Variants in ADAMTS13 observed in about 807,000 individuals in gnomAD.
The protein encoded by ADAMTS13 is ADAM metallopeptidase with thrombospondin type 1 motif 13, also known as A disintegrin and metalloproteinase with thrombospondin motifs 13.
Under a neutral mutation model 155.1 loss-of-function variants are expected in ADAMTS13, and 110 were observed. That is an observed-to-expected ratio of 0.71 (90% CI 0.61 to 0.83). The LOEUF (loss-of-function observed/expected upper bound fraction) is 0.83. ADAMTS13 is among the 40% of genes least tolerant of loss of function. The pLI, the probability that ADAMTS13 is intolerant of heterozygous loss-of-function variation, is 0.00. For synonymous variants in ADAMTS13, 758 were observed against 756.4 expected (o/e 1.00, Z -0.03); for missense variants, 1,707 against 1,891.7 (o/e 0.90, Z 1.81).
chr9:133,455,978 C>G (rs1453838905), intron 25 of ADAMTS13, 91 bp from the exon 26 acceptor site: 3 of 1,569,732 alleles, frequency 1.9e-6, no homozygotes, highest in Non-Finnish European at 1.7e-6. Flanking sequence ...ACCCCTACCT[C>G]CTGGTCTCCT....
chr9:133,452,725 G>T (rs1842509137), intron 23 of ADAMTS13, among the ~76,000 whole-genome samples: 1 of 151,922 alleles, frequency 6.6e-6, no homozygotes, highest in Non-Finnish European at 1.5e-5. Context: ...GCCCAGTCTG[G>T]ACTTGAATTC....
At position 133,414,837 on chromosome 9, in the gene ADAMTS13, A is replaced by G. The variant is rs782166709; in HGVS notation, n.287+193A>G. On this transcript the variant is annotated intron_variant and non_coding_transcript_variant, in intron 1 of 17. Coordinates refer to the ADAMTS13 transcript ENST00000485925. ...GCCCTCCTGTCCATCTTGGAACCTG[A>G]AGGAACAGAGCCCCTGCTGGCCTCC... 17 of 1,614,134 alleles carry G rather than the reference A, an allele frequency of 1.1e-5. No individual in the cohort carries two copies. The South Asian group carries it at 1.9e-4, about 18-fold the overall frequency.
rs781966908 is a variant in ADAMTS13 at position 133,424,285 on chromosome 9, G to C, written c.173-36G>C. The C allele has an allele frequency of 6.2e-7, 1 of 1,608,358 alleles. No homozygotes were observed. Among genetic ancestry groups the C allele is most frequent in the Non-Finnish European group, 8.5e-7 (1 of 1,179,808 alleles). ...TTAGCTTTCCACTGCTTGCTCTCTA[G>C]AACCATCGCCCTCTGCTCTCCCTCT... On this transcript the variant is annotated intron_variant, in intron 2 of 28. Coordinates refer to ENST00000355699, the MANE Select transcript of ADAMTS13 (RefSeq NM_139027.6). The surrounding 1 kb of genome is among the most constrained non-coding windows in gnomAD (Gnocchi z 4.3).
intron 22 of ADAMTS13, 151 bp downstream of exon 22, chr9:133,448,879 C>T: frequency 7.6e-7 from 1 of 1,313,666 alleles, no homozygotes; most frequent in Non-Finnish European, 1.0e-6. Flanking sequence ...CATCCCCCTG[C>T]CTCACTCCAA....
chr9:133,428,861 C>T (rs1840483018), intron 7 of ADAMTS13, 90 bp downstream of exon 7: 2 of 1,166,032 alleles, frequency 1.7e-6, no homozygotes, highest in African/African-American at 1.6e-5. Context: ...GTCCCCACTC[C>T]GCATTCAGCC....
chr9:133,432,383 A>T (rs1840836739), intron 8 of ADAMTS13, among the ~76,000 whole-genome samples: 1 of 152,254 alleles, frequency 6.6e-6, no homozygotes, highest in Admixed American at 6.5e-5. Flanking sequence ...TGGGCCCCCA[A>T]AAGTGTGACA....
At chr9:133,417,779 A>G (rs1449352816), upstream of ADAMTS13, 6 of 1,611,090 alleles carry the variant, frequency 3.7e-6, no homozygotes, top group Non-Finnish European at 5.1e-6. Context: ...GCGTCTTGAC[A>G]GGACCCGGCT....
At chr9:133,427,005 G>A (rs1554785468) in intron 6 of ADAMTS13, among the ~76,000 whole-genome samples, 1 of 152,126 alleles carries the variant, frequency 6.6e-6, no homozygotes. Flanking sequence ...GTTTCTCCAT[G>A]TTGGTCAGGC....
chr9:133,422,502 C>T lies in ADAMTS13; in HGVS notation c.59C>T (p.Ala20Val). The T allele has an allele frequency of 6.2e-7, 1 of 1,614,170 alleles. No individual in the cohort carries two copies. ...CPPLCVAGIL[A>V]CGFLLGCWGP... ...CCCCTCTGTGTGGCCGGAATCCTTG[C>T]CTGTGGCTTTCTCCTGGGCTGCTGG... The change falls in exon 1 of 29, where the codon GCC becomes GTC. Residue 20 changes from alanine (A) to valine (V), a missense_variant. Physicochemically the swap from Ala to Val is moderately conservative, Grantham distance 64 (BLOSUM62 0). Coordinates refer to ENST00000355699, the MANE Select transcript of ADAMTS13 (RefSeq NM_139027.6).
At chr9:133,427,531 C>T (rs1425022878) in intron 6 of ADAMTS13, among the ~76,000 whole-genome samples, 1 of 152,088 alleles carries the variant, frequency 6.6e-6, no homozygotes, top group Non-Finnish European at 1.5e-5. Flanking sequence ...AGGGCTCCTT[C>T]TCCCTCAGAG....
Position 133,442,523 on chromosome 9 carries a change from G to A in ADAMTS13, c.2093G>A (p.Ser698Asn), listed in dbSNP as rs1408763106. 2 of 1,613,530 alleles carry A rather than the reference G, an allele frequency of 1.2e-6. No individual in the cohort carries two copies. The highest frequency in any genetic ancestry group is 4.5e-5 in the East Asian group (2 of 44,898). The change falls in exon 17 of 29, where the codon AGC becomes AAC. Residue 698 changes from serine to asparagine, a missense_variant. Coordinates refer to ENST00000355699, the MANE Select transcript of ADAMTS13 (RefSeq NM_139027.6). Reference protein sequence around the residue: ...WAAVRGPCSVSCGAGLRWVNY... With the variant: ...WAAVRGPCSVNCGAGLRWVNY... ...GCTGTGCGTGGGCCCTGCTCGGTGA[G>A]CTGTGGGGCAGGTGAGACCTGGGGA...
rs1286801843 is a variant in ADAMTS13, at chr9:133,454,361, C to T, written c.3045-54C>T. On this transcript the variant is annotated intron_variant, in intron 23 of 28. Transcript: ENST00000355699. The stretch of plus-strand genomic sequence containing the variant: ...TGGGTGGAGAGGGGCCTGCGTGGGG[C>T]AGTACTGTCTCTGGGGAGACCTAGC... The T allele has an allele frequency of 2.5e-6, 4 of 1,596,248 alleles. No homozygotes were observed. The African/African-American group carries it at 5.4e-5, about 21-fold the overall frequency.
upstream of ADAMTS13, among the ~76,000 whole-genome samples, chr9:133,418,660 G>A (rs1839820004): frequency 6.6e-6 from 1 of 152,174 alleles, no homozygotes; most frequent in East Asian, 1.9e-4. Flanking sequence ...GAGCAAGCAG[G>A]GGGTACGTGA....
At chr9:133,428,066 C>T (rs377091585) in intron 6 of ADAMTS13, among the ~76,000 whole-genome samples, 12 of 152,266 alleles carry the variant, frequency 7.9e-5, no homozygotes, top group East Asian at 7.7e-4. Flanking sequence ...CCTACCTCAC[C>T]GGTGCCTGGC....
At chr9:133,450,959 G>T (rs996753095) in intron 23 of ADAMTS13, among the ~76,000 whole-genome samples, 14 of 152,194 alleles carry the variant, frequency 9.2e-5, no homozygotes, top group Non-Finnish European at 2.1e-4. Context: ...CCAGCATTCT[G>T]ATGTGGAAGA....
upstream of ADAMTS13, among the ~76,000 whole-genome samples, chr9:133,417,253 G>A (rs1009525780): frequency 2.0e-5 from 3 of 152,230 alleles, no homozygotes; most frequent in African/African-American, 7.2e-5. Flanking sequence ...TTGACCTCAG[G>A]GGATCTGCCC....
At chr9:133,433,169 T>C (rs1282705678) in intron 9 of ADAMTS13, among the ~76,000 whole-genome samples, 1 of 112,568 alleles carries the variant, frequency 8.9e-6, no homozygotes, top group Non-Finnish European at 1.8e-5. Flanking sequence ...GGTACCTGTG[T>C]GTTGGGGGGT....
chr9:133,414,634 G>A (rs587702313), exon 1 of ADAMTS13: 10 of 1,601,400 alleles, frequency 6.2e-6, no homozygotes, highest in Admixed American at 3.3e-5. Context: ...GCTGTGCCTC[G>A]GTTCTCAGTG....
intron 16 of ADAMTS13, 77 bp from the exon 17 acceptor site, chr9:133,442,322 G>A (rs1195124953): frequency 1.2e-5 from 19 of 1,606,978 alleles, no homozygotes; most frequent in Non-Finnish European, 1.4e-5. Flanking sequence ...GAAGTTGGAA[G>A]GCTTCCCAGG....
Sources: allele counts gnomAD v4.1 joint callset (sites outside exome capture counted in the v4.1 genomes callset), GRCh38; gene constraint gnomAD v4.1.1; non-coding constraint Gnocchi (gnomAD v3.1); transcripts MANE v1.5; gene names NCBI Gene and HGNC (gene_info 2026-07-23, HGNC 2026-07-21).